PPP6R3: variants seen among roughly 807,000 people sequenced by gnomAD.
The protein encoded by PPP6R3 is serine/threonine-protein phosphatase 6 regulatory subunit 3.
In PPP6R3, 38 loss-of-function variants were observed where a neutral mutation model predicts 110.7. The ratio of observed to expected loss-of-function variants is 0.34; its 90% CI spans 0.26 to 0.45. The LOEUF (loss-of-function observed/expected upper bound fraction) is 0.45, where lower values mean the gene tolerates loss of function less well. Among genes scored for constraint, PPP6R3 ranks in the 20% least tolerant of loss-of-function variants. The probability of loss-of-function intolerance (pLI) is 1.00; values close to 1 mark genes in which losing one functional copy is unlikely to be tolerated. For synonymous variants in PPP6R3, 369 were observed against 373.5 expected, an observed-to-expected ratio of 0.99 and a Z score of 0.14; for missense variants, 870 against 1,062.4, an observed-to-expected ratio of 0.82 and a Z score of 2.52.
At chr11:68,584,318 C>T (rs1261107348) in intron 15 of PPP6R3, among the ~76,000 whole-genome samples, 2 of 152,192 alleles carry the variant, frequency 1.3e-5, no homozygotes, top group Non-Finnish European at 2.9e-5. Context: ...AGCCCTTTTC[C>T]CAGAGCGCTC....
intron 18 of PPP6R3, among the ~76,000 whole-genome samples, chr11:68,594,269 A>AGAGAGAGAGAGAGAGGGGG (rs2099604792): frequency 9.0e-6 from 1 of 111,078 alleles, no homozygotes; most frequent in Admixed American, 8.5e-5. Flanking sequence ...AAAGGGGGAG[A>AGAGAGAGAGAGAGAGGGGG]GAGAGAGAGA....
chr11:68,558,457 C>A, intron 7 of PPP6R3, 109 bp from the exon 8 acceptor site: 1 of 642,536 alleles, frequency 1.6e-6, no homozygotes. Flanking sequence ...AACAAATATG[C>A]CCAAGTATGA....
At chr11:68,523,563 C>G (rs753410652) in intron 2 of PPP6R3, among the ~76,000 whole-genome samples, 4 of 151,900 alleles carry the variant, frequency 2.6e-5, no homozygotes, top group African/African-American at 4.8e-5. Context: ...GATACTTCAT[C>G]TCTGCTACCA....
Position 68,554,186 on chromosome 11 carries a change from C to G in PPP6R3, c.660C>G (p.Arg220=). The change falls in exon 7 of 24, where the codon CGC becomes CGG. Residue 220 remains arginine, a synonymous_variant. Transcript: ENST00000393800. ...CACAATCACTTTGTGAAATTGTTCGCCTGAGCAGAGACCAGATGTTACAAA... is the reference window on the plus strand; with the variant it reads ...CACAATCACTTTGTGAAATTGTTCGGCTGAGCAGAGACCAGATGTTACAAA... ...NASQSLCEIV[R]LSRDQMLQIQ... 4 of 1,613,750 alleles carry G rather than the reference C, an allele frequency of 2.5e-6. No individual in the cohort carries two copies. In the South Asian group the frequency reaches 4.4e-5, roughly 18 times the overall value.
At chr11:68,556,277 T>C (rs1401570814) in intron 7 of PPP6R3, among the ~76,000 whole-genome samples, 1 of 152,132 alleles carries the variant, frequency 6.6e-6, no homozygotes, top group Non-Finnish European at 1.5e-5. Flanking sequence ...AAGAAGATGC[T>C]AAAGAGCAGG....
chr11:68,528,406 C>T (rs1369685588), intron 2 of PPP6R3, among the ~76,000 whole-genome samples: 8 of 135,456 alleles, frequency 5.9e-5, no homozygotes, highest in Non-Finnish European at 1.2e-4. Context: ...CTAGTAGGCA[C>T]CTGATATTTG....
chr11:68,477,745 T>C (rs61086187), intron 1 of PPP6R3, among the ~76,000 whole-genome samples: 1 of 101,130 alleles, frequency 9.9e-6, no homozygotes, highest in Non-Finnish European at 2.1e-5. Flanking sequence ...AAAAAAAATA[T>C]ATATATATAT....
chr11:68,592,711 G>C (rs1375443271), intron 18 of PPP6R3, among the ~76,000 whole-genome samples: 2 of 152,176 alleles, frequency 1.3e-5, no homozygotes, highest in African/African-American at 4.8e-5. Flanking sequence ...AGCTGCTATA[G>C]CTCCAGAGCC....
At chr11:68,525,164 C>A (rs1016878272) in intron 2 of PPP6R3, among the ~76,000 whole-genome samples, 1 of 152,178 alleles carries the variant, frequency 6.6e-6, no homozygotes, top group African/African-American at 2.4e-5. Flanking sequence ...TTTGAACTCT[C>A]AGAATTTTAG....
chr11:68,512,290 G>C (rs1326143054), intron 1 of PPP6R3, among the ~76,000 whole-genome samples: 1 of 152,172 alleles, frequency 6.6e-6, no homozygotes, highest in East Asian at 1.9e-4. Flanking sequence ...GGTTTCTAGA[G>C]AGTGGCCTCT....
chr11:68,599,390 T>G (rs1162159997), intron 19 of PPP6R3, among the ~76,000 whole-genome samples: 1 of 152,160 alleles, frequency 6.6e-6, no homozygotes, highest in African/African-American at 2.4e-5. Flanking sequence ...AGACCCAAAC[T>G]TGGCCAGCAG....
chr11:68,472,457 G>A (rs2098798940), intron 1 of PPP6R3, among the ~76,000 whole-genome samples: 1 of 152,066 alleles, frequency 6.6e-6, no homozygotes, highest in Admixed American at 6.6e-5. Context: ...AGGGTAGTGC[G>A]ACATGTACAT....
At chr11:68,522,851 TTTCATGAAGACTG>T (rs2099170528) in intron 2 of PPP6R3, among the ~76,000 whole-genome samples, 1 of 152,254 alleles carries the variant, frequency 6.6e-6, no homozygotes, top group Non-Finnish European at 1.5e-5. Context: ...CCTGTAGTTC[TTTCATGAAGACTG>T]TTCATGGAGG....
intron 3 of PPP6R3, among the ~76,000 whole-genome samples, chr11:68,544,179 C>T (rs1344513183): frequency 6.6e-6 from 1 of 152,200 alleles, no homozygotes; most frequent in East Asian, 1.9e-4. Context: ...TAGCCTCAAA[C>T]TTGTGGGCTC....
At position 68,607,739 on chromosome 11, in the gene PPP6R3, CTATCTAATCTATCATCTGTCAGTCTA is replaced by C. The variant is rs1268220950; in HGVS notation, c.2451-2153_2451-2128del. Reference sequence around the variant, plus strand: ...TCTATCTATCTATCTGTCTGTCTGCCTATCTAATCTATCATCTGTCAGTCTATATCTAATCTAGATTTTTTTTTTTT... The same window carrying C: ...TCTATCTATCTATCTGTCTGTCTGCCTATCTAATCTAGATTTTTTTTTTTT... On this transcript the variant is annotated intron_variant, in intron 22 of 23. Coordinates refer to ENST00000393800, the MANE Select transcript of PPP6R3 (RefSeq NM_001164161.2). Among the ~76,000 whole-genome samples, 6 of 151,926 alleles carry C rather than the reference CTATCTAATCTATCATCTGTCAGTCTA, an allele frequency of 3.9e-5. No individual in the cohort carries two copies. In the East Asian group the frequency reaches 1.2e-3, roughly 29 times the overall value.
rs550184789 is a variant in PPP6R3, at chr11:68,476,198, C to T, written c.-158+15371C>T. 3.3e-3 allele frequency among the ~76,000 whole-genome samples: 508 copies of T among 152,238 alleles called. 3 individuals carry two copies. Among genetic ancestry groups the T allele is most frequent in the Non-Finnish European group, 6.1e-3 (416 of 68,034 alleles). ...ATTGAGCACTGAGAGAACGAGATTC[C>T]GTCTGCAATTCCGGCACCTCGGGAG... On this transcript the variant is annotated intron_variant, in intron 1 of 23. Transcript: ENST00000393800.
rs554062169 is a variant in PPP6R3 at position 68,564,316 on chromosome 11, A to G, written c.859A>G (p.Ile287Val). Residue 287 changes from isoleucine to valine, a missense_variant, in exon 9 of 24, where the codon ATA becomes GTA. By Grantham distance (29) the Ile-to-Val change is conservative. Coordinates refer to ENST00000393800, the MANE Select transcript of PPP6R3 (RefSeq NM_001164161.2). The stretch of plus-strand genomic sequence containing the variant: ...CTTTGTTTCAAGATTTGAAGGCCAT[A>G]TAGAGATCTGCCCACCAGGCATGAG... ...ETRRPTFEGH[I>V]EICPPGMSHS... The G allele has an allele frequency of 2.9e-5, 46 of 1,611,656 alleles. 1 individual carries two copies. In the East Asian group the frequency reaches 1.0e-3, roughly 35 times the overall value.
chr11:68,511,188 C>T (rs542365344), intron 1 of PPP6R3, among the ~76,000 whole-genome samples: 31 of 150,952 alleles, frequency 2.1e-4, no homozygotes, highest in Non-Finnish European at 4.1e-4. Context: ...CTGCCTTAGC[C>T]TCCTGAGTAG....
chr11:68,561,178 C>T (rs1210897753), intron 8 of PPP6R3, among the ~76,000 whole-genome samples: 5 of 152,166 alleles, frequency 3.3e-5, no homozygotes, highest in African/African-American at 9.7e-5. Context: ...TGAGCCACCA[C>T]GCCCGGCCAC....
Sources: gnomAD v4.1 joint callset for allele counts (sites outside exome capture counted in the v4.1 genomes callset) on GRCh38, gnomAD v4.1.1 for gene constraint, MANE v1.5 for transcripts, NCBI Gene and HGNC (gene_info 2026-07-23, HGNC 2026-07-21) for gene names.